MACF1: variants seen among roughly 807,000 people sequenced by gnomAD.
The protein encoded by MACF1 is microtubule actin crosslinking factor 1.
Under a neutral mutation model 854.8 loss-of-function variants are expected in MACF1, and 193 were observed. That is an observed-to-expected ratio of 0.23 (90% CI 0.20 to 0.25). The LOEUF is 0.25. Among genes scored for constraint, MACF1 ranks in the 10% least tolerant of loss-of-function variants. MACF1 has a pLI of 1.00. For synonymous variants in MACF1, 3,185 were observed against 3,226.7 expected (o/e 0.99, Z 0.44); for missense variants, 7,722 against 8,929.1 (o/e 0.86, Z 5.45).
intron 42 of MACF1, 109 bp from the exon 43 acceptor site, chr1:39,350,676 G>C: frequency 1.4e-6 from 1 of 695,170 alleles, no homozygotes; most frequent in Non-Finnish European, 2.4e-6. Flanking sequence ...TGTAGTTAGG[G>C]ACTATATACA....
Position 39,399,620 on chromosome 1 carries a change from A to G in MACF1, c.15816+10962A>G, listed in dbSNP as rs561405104. Reference sequence around the variant, plus strand: ...TCGAACTCCTGACCTCAGGTGATCCACCCACCTCGGCCTCCCAAAGTGCTG... The same window carrying G: ...TCGAACTCCTGACCTCAGGTGATCCGCCCACCTCGGCCTCCCAAAGTGCTG... On this transcript the variant is annotated intron_variant, in intron 58 of 100. Coordinates refer to ENST00000564288, the MANE Select transcript of MACF1 (RefSeq NM_001394062.1). 1.7e-3 allele frequency among the ~76,000 whole-genome samples: 253 copies of G among 152,034 alleles called. 1 individual carries two copies. Among genetic ancestry groups the G allele is most frequent in the Non-Finnish European group, 3.0e-3 (207 of 67,954 alleles).
At chr1:39,227,854 T>C (rs1010337421) in intron 1 of MACF1, among the ~76,000 whole-genome samples, 3 of 152,262 alleles carry the variant, frequency 2.0e-5, no homozygotes, top group African/African-American at 7.2e-5. Flanking sequence ...CTTCTCTTTC[T>C]GGCTTATACT....
In MACF1 at chr1:39,480,934, C is replaced by T. The variant is rs1645001569; in HGVS notation, c.22185C>T (p.Phe7395=). The T allele has an allele frequency of 4.5e-6, 7 of 1,547,890 alleles. No individual in the cohort carries two copies. Among genetic ancestry groups the T allele is most frequent in the South Asian group, 1.2e-5 (1 of 83,956 alleles). Residue 7395 remains phenylalanine (F), a synonymous_variant, in exon 99 of 101, where the codon TTC becomes TTT. Transcript: ENST00000564288. ...PASGTKTSLQ[F]SRCYDKPWLV... ...CCGTTTCACAGACTTCACTTCAGTT[C>T]TCTCGCTGTTATGACAAACCCTGGT...
At position 39,414,757 on chromosome 1, in the gene MACF1, T is replaced by C. The variant is rs143562502; in HGVS notation, c.15817-7617T>C. ...TTGTTGATTTACATTTTTAAAAAGA[T>C]TATTAGCAGGAAAGGGTCATTCTGT... On this transcript the variant is annotated intron_variant, in intron 58 of 100. Transcript: ENST00000564288. Among the ~76,000 whole-genome samples, 89 of 152,314 alleles carry C rather than the reference T, an allele frequency of 5.8e-4. 1 individual carries two copies. In the East Asian group the frequency reaches 0.015, roughly 25 times the overall value.
At chr1:39,478,559 A>T (rs1188779068) in intron 97 of MACF1, among the ~76,000 whole-genome samples, 1 of 152,186 alleles carries the variant, frequency 6.6e-6, no homozygotes, top group East Asian at 1.9e-4. Context: ...TGATACTTTG[A>T]TATGTTCTGT....
intron 2 of MACF1, among the ~76,000 whole-genome samples, chr1:39,186,208 C>G (rs1002963448): frequency 1.1e-3 from 69 of 62,290 alleles, no homozygotes; most frequent in African/African-American, 4.5e-3. Flanking sequence ...CTCTCTCTCT[C>G]TCTCTCTGTG....
chr1:39,448,900 A>G (rs1292774699), intron 84 of MACF1, 137 bp downstream of exon 84: 2 of 528,546 alleles, frequency 3.8e-6, no homozygotes. Context: ...CAGTTAGTTC[A>G]AAGACTGTTA....
chr1:39,226,668 C>G (rs540053654), intron 1 of MACF1, among the ~76,000 whole-genome samples: 1 of 152,118 alleles, frequency 6.6e-6, no homozygotes, highest in South Asian at 2.1e-4. Context: ...AAGAATCATG[C>G]TACTCACATA....
chr1:39,335,340 G>T lies in MACF1; in HGVS notation c.8752G>T (p.Glu2918Ter), dbSNP rs773997149. The T allele has an allele frequency of 1.2e-6, 2 of 1,613,804 alleles. No individual in the cohort carries two copies. Among genetic ancestry groups the T allele is most frequent in the South Asian group, 2.2e-5 (2 of 91,020 alleles). ...GCAGGAAAAAGCAGTGACAAAAATA[G>T]AAATTATTTCTCATATGAAGCAGTC... ...EEQEKAVTKI[E>*]IISHMKQSTS... Residue 2918 changes from glutamate (E) to a stop codon, truncating the protein, a stop_gained, in exon 37 of 101, where the codon GAA (glutamate) becomes TAA (stop). Transcript: ENST00000564288. LOFTEE classifies it high-confidence loss of function.
intron 71 of MACF1, 128 bp from the exon 72 acceptor site, chr1:39,439,146 A>G: frequency 3.6e-6 from 2 of 555,798 alleles, no homozygotes; most frequent in Non-Finnish European, 6.6e-6. Context: ...TCCTTTAGTT[A>G]TAAATGCTTA....
Position 39,437,399 on chromosome 1 carries a change from C to G in MACF1, c.17989-378C>G, listed in dbSNP as rs149934774. 5.0e-3 allele frequency among the ~76,000 whole-genome samples: 758 copies of G among 152,082 alleles called. 5 individuals carry two copies. Among genetic ancestry groups the G allele is most frequent in the African/African-American group, 0.017 (724 of 41,466 alleles). ...TATCTCAGCTCACTGCAACCTCTGCCTCTCGGGTTCAAGTGATTGTCATGC... is the reference window on the plus strand; with the variant it reads ...TATCTCAGCTCACTGCAACCTCTGCGTCTCGGGTTCAAGTGATTGTCATGC... On this transcript the variant is annotated intron_variant, in intron 70 of 100. Transcript: ENST00000564288.
At chr1:39,360,015 ATATATATATATATATATATATAT>A (rs1648000908) in intron 47 of MACF1, among the ~76,000 whole-genome samples, 1 of 31,972 alleles carries the variant, frequency 3.1e-5, no homozygotes, top group Non-Finnish European at 5.4e-5. Context: ...AAAAAAAAAT[ATATATATATATATATATATATAT>A]ATATATATAT....
intron 58 of MACF1, chr1:39,413,089 C>T: frequency 6.2e-7 from 1 of 1,604,524 alleles, no homozygotes; most frequent in Non-Finnish European, 8.5e-7. Flanking sequence ...AGCCATCACA[C>T]AGGAGGGTAT....
chr1:39,406,756 A>AAAAAAAAAACAAAAAC (rs746955922), intron 58 of MACF1, among the ~76,000 whole-genome samples: 1 of 116,058 alleles, frequency 8.6e-6, no homozygotes, highest in African/African-American at 3.8e-5. Flanking sequence ...AAAAAAAAAA[A>AAAAAAAAAACAAAAAC]AACATTCTTT....
In MACF1 at chr1:39,335,194, A is replaced by C; in HGVS notation, c.8606A>C (p.Asn2869Thr). The C allele has an allele frequency of 6.2e-7, 1 of 1,614,040 alleles. No individual in the cohort carries two copies. Residue 2869 changes from asparagine (N) to threonine (T), a missense_variant, in exon 37 of 101, where the codon AAT becomes ACT. Asn to Thr is a moderately conservative substitution (Grantham distance 65). This residue lies in a region of MACF1 where 854 missense variants were observed against 852.6 expected (regional missense o/e 1.00). Transcript: ENST00000564288. ...GCTAAAGAATTTATCAGTATCATAA[A>C]TCCTCATAATCTTAAAGGTAAATCC... ...SDAKEFISIINPHNLKGKSLG... is the reference protein window; with the variant it reads ...SDAKEFISIITPHNLKGKSLG...
At chr1:39,411,289 TCAGA>T in intron 58 of MACF1, 1 of 1,613,988 alleles carries the variant, frequency 6.2e-7, no homozygotes, top group Non-Finnish European at 8.5e-7. Flanking sequence ...AGAGAAACTG[TCAGA>T]CAGGGAAAAG....
chr1:39,085,313 C>T (rs1275036195), intron 2 of MACF1, among the ~76,000 whole-genome samples: 2 of 152,224 alleles, frequency 1.3e-5, no homozygotes, highest in African/African-American at 4.8e-5. Flanking sequence ...CTGAAGGCAT[C>T]CACAGCTGCC....
In MACF1 at chr1:39,336,221, T is replaced by A. The variant is rs777975542; in HGVS notation, c.9633T>A (p.His3211Gln). The A allele has an allele frequency of 3.1e-6, 5 of 1,614,048 alleles. No individual in the cohort carries two copies. The part of the protein sequence containing the change: ...YLEFSDRKDL[H>Q]HQGSKSDDKL... ...AATTCTCAGACAGAAAAGACCTTCA[T>A]CATCAGGGCAGCAAAAGTGATGATA... Residue 3211 changes from histidine (H) to glutamine (Q), a missense_variant, in exon 37 of 101, where the codon CAT (histidine) becomes CAA (glutamine). Physicochemically the swap from His to Gln is conservative, Grantham distance 24. Coordinates refer to ENST00000564288, the MANE Select transcript of MACF1 (RefSeq NM_001394062.1).
Position 39,460,740 on chromosome 1 carries a change from G to A in MACF1, c.21469G>A (p.Asp7157Asn). The A allele has an allele frequency of 6.2e-7, 1 of 1,614,204 alleles. No individual in the cohort carries two copies. The highest frequency in any genetic ancestry group is 8.5e-7 in the Non-Finnish European group (1 of 1,180,032). Residue 7157 changes from aspartate to asparagine, a missense_variant, in exon 92 of 101, where the codon GAC (aspartate) becomes AAC (asparagine). This residue lies in a region of MACF1 where 153 missense variants were observed against 342.5 expected (regional missense o/e 0.45). Transcript: ENST00000564288. This position sits in a 1 kb window ranked among gnomAD's most constrained non-coding sequence, Gnocchi z 4.1. ...GGATTTCTTCCGGCGCATTGATAAG[G>A]ACCAGGATGGGAAGATAACACGTCA... ...VMDFFRRIDKDQDGKITRQEF... is the reference protein window; with the variant it reads ...VMDFFRRIDKNQDGKITRQEF...
Sources: gnomAD v4.1 joint callset for allele counts (sites outside exome capture counted in the v4.1 genomes callset) on GRCh38, gnomAD v4.1.1 for gene constraint, gnomAD v4.1.1 regional missense constraint, Gnocchi (gnomAD v3.1) non-coding constraint, MANE v1.5 for transcripts, NCBI Gene and HGNC (gene_info 2026-07-23, HGNC 2026-07-21) for gene names.